Variants in SYTL2 observed in about 807,000 individuals in gnomAD.
The protein encoded by SYTL2 is synaptotagmin like 2.
In SYTL2, 165 loss-of-function variants were observed where a neutral mutation model predicts 198.7. That is an observed-to-expected ratio of 0.83 (90% confidence interval 0.73 to 0.94). SYTL2 has a LOEUF of 0.94. Among genes scored for constraint, SYTL2 ranks in the 40% least tolerant of loss-of-function variants. The pLI, the probability that SYTL2 is intolerant of heterozygous loss-of-function variation, is 0.00. For synonymous variants in SYTL2, 966 were observed against 917.7 expected, an observed-to-expected ratio of 1.05 and a Z score of -0.95; for missense variants, 2,835 against 2,582.8, an observed-to-expected ratio of 1.10 and a Z score of -2.12.
the SYTL2 span, among the ~76,000 whole-genome samples, chr11:85,843,763 T>C: frequency 3.3e-5 from 5 of 152,182 alleles, no homozygotes; most frequent in Admixed American, 1.3e-4. Context: ...ACCTACTATG[T>C]GCCAGGAATT....
chr11:85,734,851 G>T (rs906577070), intron 6 of SYTL2, 109 bp from the exon 7 acceptor site: 11 of 860,608 alleles, frequency 1.3e-5, no homozygotes, highest in Non-Finnish European at 1.9e-5. Context: ...AAATATTAAA[G>T]ACAGTAAAGT....
At chr11:85,761,013 T>C (rs1420338709) in intron 1 of SYTL2, among the ~76,000 whole-genome samples, 3 of 152,186 alleles carry the variant, frequency 2.0e-5, no homozygotes, top group Non-Finnish European at 4.4e-5. Context: ...GCATGGGAGC[T>C]AACTGAACAT....
At chr11:85,834,583 G>A in the SYTL2 span, among the ~76,000 whole-genome samples, 44 of 152,070 alleles carry the variant, frequency 2.9e-4, no homozygotes, top group African/African-American at 8.7e-4. Flanking sequence ...GGTAGAAACT[G>A]TACTTCAGTA....
chr11:85,704,506 G>T (rs2153394090), intron 16 of SYTL2, among the ~76,000 whole-genome samples: 1 of 152,176 alleles, frequency 6.6e-6, no homozygotes, highest in East Asian at 1.9e-4. Context: ...AACTAGTTTT[G>T]ACTTAATTGA....
rs550948906 is a variant in SYTL2 at position 85,695,162 on chromosome 11, A to C, written c.*33T>G. The C allele has an allele frequency of 6.3e-6, 10 of 1,595,836 alleles. No homozygotes were observed. The East Asian group carries it at 2.0e-4, about 32-fold the overall frequency. On this transcript the variant is annotated 3_prime_UTR_variant, in exon 20 of 20. Transcript: ENST00000359152. Reference sequence around the variant, plus strand: ...CAAGATCAGATTCCACCGGTTTAGTAGTTTTCAGTGGAGGAGCCAGTGGAA... The same window carrying C: ...CAAGATCAGATTCCACCGGTTTAGTCGTTTTCAGTGGAGGAGCCAGTGGAA...
In SYTL2 at chr11:85,727,429, C is replaced by A; in HGVS notation, c.1929G>T (p.Gly643=). The A allele has an allele frequency of 6.5e-7, 1 of 1,536,242 alleles. No homozygotes were observed. The highest frequency in any genetic ancestry group is 8.7e-7 in the Non-Finnish European group (1 of 1,146,932). ...PFESYGTPSQ[G]SKNMDYSQDS... is the part of the protein sequence containing the mutation. Reference sequence around the variant, plus strand: ...CTTGGCTATAGTCCATATTTTTACTCCCTTGACTTGGGGTGCCATAGCTTT... The same window carrying A: ...CTTGGCTATAGTCCATATTTTTACTACCTTGACTTGGGGTGCCATAGCTTT... The change falls in exon 8 of 20, where the codon GGG becomes GGT. Residue 643 remains glycine (G), a synonymous_variant. Transcript: ENST00000359152.
chr11:85,717,514 C>T lies in SYTL2; in HGVS notation c.5499G>A (p.Gln1833=), dbSNP rs1313989236. ...GTACGCATTCATTTGTAACTGGCTTCTGATCTGGTTTCTCATCTACTCAGG... is the reference window on the plus strand; with the variant it reads ...GTACGCATTCATTTGTAACTGGCTTTTGATCTGGTTTCTCATCTACTCAGG... ...RSAEDDEKPD[Q]KPVTNECVPR... is the part of the protein sequence containing the mutation. The change falls in exon 11 of 20, where the codon CAG becomes CAA. Residue 1833 remains glutamine, a synonymous_variant. Coordinates refer to ENST00000359152, the MANE Select transcript of SYTL2 (RefSeq NM_206927.4). The T allele has an allele frequency of 1.2e-6, 2 of 1,613,184 alleles. No homozygotes were observed. The highest frequency in any genetic ancestry group is 3.3e-5 in the Admixed American group (2 of 60,012).
At chr11:85,737,739 A>AAG (rs2090465914) in intron 4 of SYTL2, 83 bp from the exon 5 acceptor site, 2 of 1,155,148 alleles carry the variant, frequency 1.7e-6, no homozygotes, top group Non-Finnish European at 2.6e-6. Flanking sequence ...GAAAGCTATC[A>AAG]GCAGGCTAGG....
At chr11:85,798,763 T>A (rs10898410) in intron 1 of SYTL2, among the ~76,000 whole-genome samples, 7 of 151,978 alleles carry the variant, frequency 4.6e-5, no homozygotes, top group Non-Finnish European at 8.8e-5. Flanking sequence ...CCAACCAGAC[T>A]GTTCATTAGA....
intron 1 of SYTL2, among the ~76,000 whole-genome samples, chr11:85,781,560 A>C (rs1468164238): frequency 6.6e-6 from 1 of 152,072 alleles, no homozygotes; most frequent in Admixed American, 6.5e-5. Context: ...CAGTTCAAAG[A>C]CTCATCTGAG....
At chr11:85,798,925 T>A (rs964137255) in intron 1 of SYTL2, among the ~76,000 whole-genome samples, 2 of 152,184 alleles carry the variant, frequency 1.3e-5, no homozygotes, top group African/African-American at 4.8e-5. Flanking sequence ...AGCTACTCAA[T>A]CATTTAGATT....
rs545142392 is a variant in SYTL2 at position 85,724,048 on chromosome 11, G to A, written c.5310C>T (p.Ser1770=). The change falls in exon 8 of 20, where the codon AGC becomes AGT. Residue 1770 remains serine, a synonymous_variant. Transcript: ENST00000359152. ...AATGCTCACTGGAAGGATTTCTCCA[G>A]CTCTCTGCATTAGAACTGGTGTTTC... The part of the protein sequence containing the change: ...SDGNTSSNAE[S]WRNPSSSEEE... 20 of 1,495,110 alleles carry A rather than the reference G, an allele frequency of 1.3e-5. No individual in the cohort carries two copies. In the South Asian group the frequency reaches 3.0e-4, roughly 22 times the overall value. 92.6% of individuals were successfully genotyped at this position (1,495,110 alleles called of 1,614,324 possible). A position where few individuals can be genotyped will look rare whatever the true frequency, so the allele number is the denominator to read the frequency against.
chr11:85,847,192 G>C, the SYTL2 span, among the ~76,000 whole-genome samples: 1 of 152,090 alleles, frequency 6.6e-6, no homozygotes, highest in South Asian at 2.1e-4. Context: ...ATTCCGGCAA[G>C]TACTCTCCTG....
rs977344915 is a variant in SYTL2, at chr11:85,755,024, CA to C, written c.101+2600del. 3.3e-5 allele frequency among the ~76,000 whole-genome samples: 5 copies of C among 150,840 alleles called. No individual in the cohort carries two copies. The East Asian group carries it at 5.8e-4, about 18-fold the overall frequency. On this transcript the variant is annotated intron_variant, in intron 2 of 19. Transcript: ENST00000359152. ...TAAAATGACTGATATGGAACAACAA[CA>C]AAAAAAAATTTCATAGTTATTAGGC...
At chr11:85,830,640 T>A in the SYTL2 span, among the ~76,000 whole-genome samples, 1 of 152,062 alleles carries the variant, frequency 6.6e-6, no homozygotes, top group African/African-American at 2.4e-5. Context: ...TGCCCCTAAT[T>A]CTCAGGGACA....
Position 85,757,743 on chromosome 11 carries a change from A to T in SYTL2, c.-18T>A. The T allele has an allele frequency of 6.2e-7, 1 of 1,609,568 alleles. No individual in the cohort carries two copies. Among genetic ancestry groups the T allele is most frequent in the Non-Finnish European group, 8.5e-7 (1 of 1,179,756 alleles). On this transcript the variant is annotated 5_prime_UTR_variant, in exon 2 of 20. The change creates a new upstream start codon in the 5' untranslated region. Transcript: ENST00000359152. ...TCAATCATTTTGAAAAGTGCATGCA[A>T]AAATAATAGCAACAAATGTGGCTCA... is the stretch of plus-strand genomic sequence containing the variant.
chr11:85,712,861 C>T (rs2086562764), intron 12 of SYTL2, among the ~76,000 whole-genome samples: 1 of 152,072 alleles, frequency 6.6e-6, no homozygotes, highest in Non-Finnish European at 1.5e-5. Flanking sequence ...GGATTATAGA[C>T]ATGAGCCACC....
chr11:85,727,037 T>G lies in SYTL2; in HGVS notation c.2321A>C (p.Gln774Pro). The G allele has an allele frequency of 2.0e-6, 3 of 1,536,424 alleles. No individual in the cohort carries two copies. Among genetic ancestry groups the G allele is most frequent in the Non-Finnish European group, 2.6e-6 (3 of 1,146,948 alleles). ...GTTCTTGGGAACCTCACCAGCTTCTTGCTGGAATTGGACCTCAGGCTTCTT... is the reference window on the plus strand; with the variant it reads ...GTTCTTGGGAACCTCACCAGCTTCTGGCTGGAATTGGACCTCAGGCTTCTT... ...PWKKPEVQFQQEAGEVPKNQV... is the reference protein window; with the variant it reads ...PWKKPEVQFQPEAGEVPKNQV... Residue 774 changes from glutamine to proline, a missense_variant, in exon 8 of 20, where the codon CAA becomes CCA. This residue lies in a region of SYTL2 where 2,645 missense variants were observed against 2,381.7 expected (regional missense o/e 1.11). Transcript: ENST00000359152.
At chr11:85,753,507 C>T (rs911717603) in intron 2 of SYTL2, among the ~76,000 whole-genome samples, 6 of 152,208 alleles carry the variant, frequency 3.9e-5, no homozygotes, top group Non-Finnish European at 8.8e-5. Flanking sequence ...GGGTACGAGT[C>T]CATGTTCTAC....
Sources: gnomAD v4.1 joint callset for allele counts (sites outside exome capture counted in the v4.1 genomes callset) on GRCh38, gnomAD v4.1.1 for gene constraint, gnomAD v4.1.1 regional missense constraint, MANE v1.5 for transcripts, NCBI Gene and HGNC (gene_info 2026-07-23, HGNC 2026-07-21) for gene names.